Variants in SLC4A4 observed in about 807,000 individuals in gnomAD.
The protein encoded by SLC4A4 is electrogenic sodium bicarbonate cotransporter 1.
A neutral mutation model predicts 111.5 loss-of-function variants in SLC4A4; 27 were observed. The observed-to-expected ratio is 0.24, with a 90% CI of 0.18 to 0.33. The LOEUF is 0.33. Ranked by LOEUF, SLC4A4 falls within the 10% of genes least tolerant of loss-of-function variation. The pLI is 1.00. For missense variants in SLC4A4, 909 were observed against 1,315.5 expected (o/e 0.69, Z 4.78); for synonymous variants, 443 against 463.4 (o/e 0.96, Z 0.57).
At chr4:71,412,551 T>C (rs1255974941) in intron 7 of SLC4A4, among the ~76,000 whole-genome samples, 1 of 152,212 alleles carries the variant, frequency 6.6e-6, no homozygotes, top group Non-Finnish European at 1.5e-5. Flanking sequence ...CACTAATGTA[T>C]ATATGAACTT....
At chr4:71,142,078 A>G (rs1253669601) in intron 2 of SLC4A4, among the ~76,000 whole-genome samples, 4 of 152,246 alleles carry the variant, frequency 2.6e-5, no homozygotes, top group Non-Finnish European at 4.4e-5. Flanking sequence ...GTGTGTATAT[A>G]ATAGAGACAG....
intron 8 of SLC4A4, among the ~76,000 whole-genome samples, chr4:71,441,905 G>T (rs534605918): frequency 1.3e-5 from 2 of 152,308 alleles, no homozygotes; most frequent in Admixed American, 1.3e-4. Context: ...GGATTATGAT[G>T]ATTTGTGTTT....
At chr4:71,356,043 G>A (rs1162656125) in intron 5 of SLC4A4, among the ~76,000 whole-genome samples, 1 of 152,202 alleles carries the variant, frequency 6.6e-6, no homozygotes, top group Non-Finnish European at 1.5e-5. Context: ...TGCATATCTT[G>A]CACAGATTCT....
chr4:71,566,354 G>A (rs556010827), intron 24 of SLC4A4, among the ~76,000 whole-genome samples: 3 of 151,636 alleles, frequency 2.0e-5, no homozygotes, highest in Non-Finnish European at 1.5e-5. Context: ...TCATAACCTG[G>A]TATAGCCCCT....
intron 2 of SLC4A4, among the ~76,000 whole-genome samples, chr4:71,140,830 A>G (rs1239261616): frequency 2.0e-5 from 3 of 152,214 alleles, no homozygotes; most frequent in African/African-American, 7.2e-5. Context: ...TCTCACTAGG[A>G]TGATTGCAAA....
At chr4:71,462,769 T>A (rs1377291118) in intron 12 of SLC4A4, among the ~76,000 whole-genome samples, 1 of 152,150 alleles carries the variant, frequency 6.6e-6, no homozygotes, top group Non-Finnish European at 1.5e-5. Context: ...AAAAGGTTTT[T>A]ATCAGTCAGA....
At chr4:71,355,846 G>A (rs72852165) in intron 5 of SLC4A4, among the ~76,000 whole-genome samples, 7 of 152,280 alleles carry the variant, frequency 4.6e-5, no homozygotes, top group African/African-American at 9.6e-5. Context: ...TTTTCTTGCC[G>A]GCTTTTGGAA....
chr4:71,567,069 A>G lies in SLC4A4; in HGVS notation c.*22A>G, dbSNP rs865908710. On this transcript the variant is annotated 3_prime_UTR_variant, in exon 25 of 26. Transcript: ENST00000264485. ...CTGATAAAATTCCTTTCCTTCAGTC[A>G]CTCGGTATGCCAAGGTAAAGGAGAG... 16 of 1,609,066 alleles carry G rather than the reference A, an allele frequency of 9.9e-6. No individual in the cohort carries two copies. The Middle Eastern group carries it at 5.0e-4, about 50-fold the overall frequency.
chr4:71,348,618 GA>G (rs967016391), intron 4 of SLC4A4, among the ~76,000 whole-genome samples: 1 of 152,170 alleles, frequency 6.6e-6, no homozygotes, highest in African/African-American at 2.4e-5. Context: ...GAGGCACATG[GA>G]GGGGAAAGTC....
chr4:71,342,326 A>G (rs953186373), intron 4 of SLC4A4, among the ~76,000 whole-genome samples: 15 of 152,324 alleles, frequency 9.8e-5, no homozygotes, highest in African/African-American at 3.4e-4. Context: ...AATCTGTTTC[A>G]TTCTTTCTTT....
At chr4:71,333,439 G>A (rs1361602433) in intron 3 of SLC4A4, among the ~76,000 whole-genome samples, 3 of 152,198 alleles carry the variant, frequency 2.0e-5, no homozygotes, top group African/African-American at 7.2e-5. Flanking sequence ...TGTGACTCAA[G>A]TACCCCTGTG....
intron 1 of SLC4A4, among the ~76,000 whole-genome samples, chr4:71,208,439 A>ATATAT (rs201319521): frequency 0.015 from 2,171 of 141,972 alleles, 27 homozygotes; most frequent in Middle Eastern, 0.025. Context: ...TCAAAAAAAA[A>ATATAT]AAAAATATAT....
intron 14 of SLC4A4, among the ~76,000 whole-genome samples, chr4:71,481,008 T>A (rs1728828250): frequency 6.6e-6 from 1 of 151,782 alleles, no homozygotes; most frequent in African/African-American, 2.4e-5. Flanking sequence ...CTGCCATTTA[T>A]TTAGATCTAT....
At chr4:71,106,853 G>A (rs1742941209) in intron 2 of SLC4A4, among the ~76,000 whole-genome samples, 2 of 148,810 alleles carry the variant, frequency 1.3e-5, no homozygotes, top group South Asian at 2.1e-4. Flanking sequence ...CAGCACACCA[G>A]CATGGCACAT....
intron 7 of SLC4A4, among the ~76,000 whole-genome samples, chr4:71,425,633 A>G (rs1459614539): frequency 6.6e-6 from 1 of 152,142 alleles, no homozygotes; most frequent in Admixed American, 6.6e-5. Flanking sequence ...ACATCAGTCA[A>G]TACATGTAAG....
At chr4:71,424,175 G>A (rs1414638087) in intron 7 of SLC4A4, among the ~76,000 whole-genome samples, 1 of 152,000 alleles carries the variant, frequency 6.6e-6, no homozygotes, top group African/African-American at 2.4e-5. Context: ...CAAAAAGTGG[G>A]CAAAGGACAT....
At chr4:71,293,800 T>A (rs1026831790) in intron 3 of SLC4A4, among the ~76,000 whole-genome samples, 10 of 152,312 alleles carry the variant, frequency 6.6e-5, no homozygotes, top group African/African-American at 2.2e-4. Flanking sequence ...TTCCACCTCA[T>A]GTGTTTTGAA....
intron 7 of SLC4A4, among the ~76,000 whole-genome samples, chr4:71,426,612 C>A (rs750909844): frequency 3.3e-5 from 5 of 152,102 alleles, no homozygotes; most frequent in Non-Finnish European, 5.9e-5. Context: ...GTAGGTGAAA[C>A]CTATTTCAAA....
In SLC4A4 at chr4:71,457,736, T is replaced by A. The variant is rs148281573; in HGVS notation, c.1497+4067T>A. Among the ~76,000 whole-genome samples, 541 of 152,208 alleles carry A rather than the reference T, an allele frequency of 3.6e-3. 1 individual carries two copies. The highest frequency in any genetic ancestry group is 6.7e-3 in the Non-Finnish European group (457 of 67,974). ...TTCATAACTAAACTCTCTGTAACCA[T>A]GCATGCCAACTCACTACATTATTGC... On this transcript the variant is annotated intron_variant, in intron 12 of 25. Transcript: ENST00000264485.
Sources: gnomAD v4.1 joint callset for allele counts (sites outside exome capture counted in the v4.1 genomes callset) on GRCh38, gnomAD v4.1.1 for gene constraint, MANE v1.5 for transcripts, NCBI Gene and HGNC (gene_info 2026-07-23, HGNC 2026-07-21) for gene names.